CC2D2B: variants seen among roughly 807,000 people sequenced by gnomAD.
The protein encoded by CC2D2B is coiled-coil and C2 domain containing 2B.
CC2D2B carries 128 observed loss-of-function variants against 161.2 expected under a neutral mutation model. The ratio of observed to expected loss-of-function variants is 0.79; its 90% CI spans 0.69 to 0.92. The LOEUF (loss-of-function observed/expected upper bound fraction) is 0.92, where lower values mean the gene tolerates loss of function less well. Among genes scored for constraint, CC2D2B ranks in the 40% least tolerant of loss-of-function variants. The pLI, the probability that CC2D2B is intolerant of heterozygous loss-of-function variation, is 0.00. For missense variants in CC2D2B, 1,173 were observed against 1,375.1 expected, an observed-to-expected ratio of 0.85 and a Z score of 2.32; for synonymous variants, 391 against 449.8, an observed-to-expected ratio of 0.87 and a Z score of 1.65.
intron 17 of CC2D2B, 66 bp downstream of exon 17, chr10:95,974,222 T>G (rs1355004562): frequency 3.3e-6 from 3 of 917,640 alleles, no homozygotes; most frequent in Non-Finnish European, 4.3e-6. Flanking sequence ...AAACATATTA[T>G]GTGTAAAAGA....
intron 30 of CC2D2B, among the ~76,000 whole-genome samples, chr10:96,017,499 G>A (rs758879578): frequency 9.2e-5 from 14 of 152,142 alleles, no homozygotes; most frequent in Non-Finnish European, 1.9e-4. Flanking sequence ...TCAGCCATGG[G>A]GTTAAGGTAA....
intron 24 of CC2D2B, among the ~76,000 whole-genome samples, chr10:96,003,665 A>G (rs896555483): frequency 6.6e-6 from 1 of 150,554 alleles, no homozygotes; most frequent in Non-Finnish European, 1.5e-5. Flanking sequence ...CATGTTAGCC[A>G]GGCTTGCCTC....
chr10:95,923,588 G>A (rs540674706), intron 3 of CC2D2B, among the ~76,000 whole-genome samples: 31 of 152,154 alleles, frequency 2.0e-4, no homozygotes, highest in Non-Finnish European at 3.5e-4. Context: ...ATGTCTCACA[G>A]ATTTTTAAAA....
In CC2D2B at chr10:95,952,582, T is replaced by C. The variant is rs2076441014; in HGVS notation, c.1011+2477T>C. Among the ~76,000 whole-genome samples, 5 of 152,236 alleles carry C rather than the reference T, an allele frequency of 3.3e-5. No individual in the cohort carries two copies. In the South Asian group the frequency reaches 1.0e-3, roughly 32 times the overall value. On this transcript the variant is annotated intron_variant, in intron 10 of 34. Coordinates refer to ENST00000646931, the MANE Select transcript of CC2D2B (RefSeq NM_001349008.3). ...TTTTTTTAGATACAGCATCTTGTTA[T>C]GTTGCCCAGGCTGGACTCAAACTCC... is the stretch of plus-strand genomic sequence containing the variant.
intron 29 of CC2D2B, among the ~76,000 whole-genome samples, chr10:96,015,670 C>T (rs2079167313): frequency 6.6e-6 from 1 of 152,124 alleles, no homozygotes; most frequent in Admixed American, 6.5e-5. Context: ...ATCTGTTACA[C>T]CCTGCTCAGC....
chr10:96,015,052 A>G (rs527298388), intron 29 of CC2D2B, among the ~76,000 whole-genome samples: 44 of 151,154 alleles, frequency 2.9e-4, no homozygotes, highest in African/African-American at 1.0e-3. Flanking sequence ...ACTGTATTGA[A>G]CTGGAGAGTG....
At chr10:95,995,806 C>A (rs2078209987) in intron 23 of CC2D2B, among the ~76,000 whole-genome samples, 1 of 152,184 alleles carries the variant, frequency 6.6e-6, no homozygotes. Flanking sequence ...ATTGTCACCC[C>A]CAAAAGTTAA....
At chr10:95,962,763 G>GT (rs35198734) in intron 12 of CC2D2B, among the ~76,000 whole-genome samples, 43,050 of 130,758 alleles carry the variant, frequency 0.33, 7,379 homozygotes, top group Admixed American at 0.42. Context: ...TGCTGCAGTA[G>GT]TTTTTTTTTT....
Position 96,032,844 on chromosome 10 carries a change from TC to T in CC2D2B, c.*838del, listed in dbSNP as rs943020319. 63 of 466,420 alleles carry T rather than the reference TC, an allele frequency of 1.4e-4. No homozygotes were observed. The highest frequency in any genetic ancestry group is 1.2e-3 in the African/African-American group (59 of 49,906). The allele number at this position is 466,420 out of a possible 1,614,324, so 28.9% of individuals were successfully genotyped here. On this transcript the variant is annotated 3_prime_UTR_variant, in exon 35 of 35. Coordinates refer to ENST00000646931, the MANE Select transcript of CC2D2B (RefSeq NM_001349008.3). The stretch of plus-strand genomic sequence containing the variant: ...TTGACAAATCTCAGGACTCTTTTTT[TC>T]CTTAGTGAGCAGCCCCCAACTCTGC...
At position 95,972,048 on chromosome 10, in the gene CC2D2B, C is replaced by T. The variant is rs759147032; in HGVS notation, c.1645-18C>T. ...GTTGTATTTTTAGTGATCTATCAGC[C>T]ATTTCTTTTATATTTAGGTTTATGA... On this transcript the variant is annotated intron_variant, in intron 15 of 34. Transcript: ENST00000646931. 58 of 1,204,896 alleles carry T rather than the reference C, an allele frequency of 4.8e-5. No individual in the cohort carries two copies. The highest frequency in any genetic ancestry group is 5.5e-5 in the Non-Finnish European group (53 of 963,536). 74.6% of individuals were successfully genotyped at this position (1,204,896 alleles called of 1,614,324 possible).
intron 34 of CC2D2B, 138 bp from the exon 35 acceptor site, chr10:96,031,681 TA>T: frequency 1.4e-6 from 1 of 735,496 alleles, no homozygotes; most frequent in Admixed American, 2.4e-5. Context: ...ACCTAGAACA[TA>T]ATTTGGCACC....
chr10:95,909,165 T>G (rs566209401), intron 1 of CC2D2B, among the ~76,000 whole-genome samples: 6 of 152,228 alleles, frequency 3.9e-5, no homozygotes, highest in Non-Finnish European at 8.8e-5. Flanking sequence ...AGATAACAGT[T>G]AAGTTAATTT....
intron 29 of CC2D2B, 28 bp downstream of exon 29, chr10:96,013,905 T>G: frequency 9.4e-7 from 1 of 1,068,796 alleles, no homozygotes; most frequent in Non-Finnish European, 1.3e-6. Context: ...ATATATATAA[T>G]TGAAATATAT....
intron 3 of CC2D2B, among the ~76,000 whole-genome samples, chr10:95,923,586 C>T (rs897770841): frequency 6.6e-6 from 1 of 152,158 alleles, no homozygotes; most frequent in African/African-American, 2.4e-5. Flanking sequence ...AGATGTCTCA[C>T]AGATTTTTAA....
At chr10:95,993,818 T>A (rs1590786713) in intron 22 of CC2D2B, among the ~76,000 whole-genome samples, 1 of 123,596 alleles carries the variant, frequency 8.1e-6, no homozygotes, top group Admixed American at 8.3e-5. Context: ...ATATATAGAG[T>A]GTATATATAA....
At position 96,024,900 on chromosome 10, in the gene CC2D2B, T is replaced by C. The variant is rs368898293; in HGVS notation, c.3936T>C (p.Asp1312=). 1 of 1,530,506 alleles carries C rather than the reference T, an allele frequency of 6.5e-7. No homozygotes were observed. The highest frequency in any genetic ancestry group is 2.0e-5 in the Admixed American group (1 of 50,724). 94.8% of individuals were successfully genotyped at this position (1,530,506 alleles called of 1,614,324 possible). The change falls in exon 33 of 35, where the codon GAT becomes GAC. Residue 1312 remains aspartate (D), a synonymous_variant. Coordinates refer to ENST00000646931, the MANE Select transcript of CC2D2B (RefSeq NM_001349008.3). ...YFETDKSMVE[D]LRNRIERTLK... ...AAACTGATAAAAGCATGGTAGAAGATCTAAGGAATAGGTACTGTGTTTTCC... is the reference window on the plus strand; with the variant it reads ...AAACTGATAAAAGCATGGTAGAAGACCTAAGGAATAGGTACTGTGTTTTCC...
intron 6 of CC2D2B, among the ~76,000 whole-genome samples, chr10:95,936,191 G>A (rs553699098): frequency 6.6e-6 from 1 of 152,228 alleles, no homozygotes; most frequent in East Asian, 1.9e-4. Context: ...GTAAAGAGTG[G>A]GGCAAATGGG....
At chr10:95,921,323 A>G (rs560630923) in intron 2 of CC2D2B, 3 of 152,322 alleles carry the variant, frequency 2.0e-5, no homozygotes, top group East Asian at 1.9e-4. Flanking sequence ...AAGTCCCCCA[A>G]TCACTTAACT....
chr10:95,968,017 T>G (rs1247394685), intron 14 of CC2D2B, among the ~76,000 whole-genome samples: 1 of 152,212 alleles, frequency 6.6e-6, no homozygotes, highest in Non-Finnish European at 1.5e-5. Context: ...CAATAAACAT[T>G]GGTTGAGTGA....
Sources: allele counts gnomAD v4.1 joint callset (sites outside exome capture counted in the v4.1 genomes callset), GRCh38; gene constraint gnomAD v4.1.1; transcripts MANE v1.5; gene names NCBI Gene and HGNC (gene_info 2026-07-23, HGNC 2026-07-21).